The following COL19A1 variants were observed in gnomAD, a reference collection of about 807,000 sequenced individuals.
COL19A1 encodes the protein collagen type XIX alpha 1 chain, also known as collagen alpha-1(XIX) chain.
In COL19A1, 159 loss-of-function variants were observed where a neutral mutation model predicts 190.2. The ratio of observed to expected loss-of-function variants is 0.84; its 90% confidence interval spans 0.73 to 0.95. COL19A1 has a LOEUF of 0.95. COL19A1 is among the 40% of genes least tolerant of loss of function. The pLI is 0.00. For missense variants in COL19A1, 1,418 were observed against 1,431.9 expected, an observed-to-expected ratio of 0.99 and a Z score of 0.16; for synonymous variants, 509 against 458.9, an observed-to-expected ratio of 1.11 and a Z score of -1.39.
chr6:70,196,170 T>A (rs1583145995), intron 48 of COL19A1, among the ~76,000 whole-genome samples: 1 of 152,174 alleles, frequency 6.6e-6, no homozygotes, highest in East Asian at 1.9e-4. Context: ...ATTATTAAAA[T>A]ATCACAGGAA....
intron 10 of COL19A1, 56 bp from the exon 11 acceptor site, chr6:69,962,770 G>C: frequency 8.6e-7 from 1 of 1,163,466 alleles, no homozygotes; most frequent in Non-Finnish European, 1.2e-6. Flanking sequence ...TGTAAAAATT[G>C]CATGTGTTAT....
intron 12 of COL19A1, among the ~76,000 whole-genome samples, chr6:70,033,511 C>T (rs1416070719): frequency 6.6e-6 from 1 of 152,040 alleles, no homozygotes; most frequent in African/African-American, 2.4e-5. Flanking sequence ...ACTGTGAATT[C>T]ATGCAGCTGT....
At chr6:69,948,229 A>G (rs561767756) in intron 9 of COL19A1, among the ~76,000 whole-genome samples, 1 of 151,998 alleles carries the variant, frequency 6.6e-6, no homozygotes, top group African/African-American at 2.4e-5. Context: ...AGAATCACCG[A>G]AGCGCTTGAG....
chr6:69,965,868 G>C (rs1230688489), intron 11 of COL19A1, among the ~76,000 whole-genome samples: 6 of 152,132 alleles, frequency 3.9e-5, no homozygotes, highest in Non-Finnish European at 7.4e-5. Flanking sequence ...AGCTCATGAG[G>C]CAGGAGGGAT....
chr6:70,081,694 G>A (rs554066898), intron 15 of COL19A1, among the ~76,000 whole-genome samples: 1 of 152,300 alleles, frequency 6.6e-6, no homozygotes, highest in South Asian at 2.1e-4. Flanking sequence ...TTGAGATAAT[G>A]TGGAAAATGA....
chr6:70,152,645 C>T (rs1010109814), intron 31 of COL19A1, among the ~76,000 whole-genome samples: 2 of 152,144 alleles, frequency 1.3e-5, no homozygotes, highest in African/African-American at 2.4e-5. Context: ...CAGGCTGTTG[C>T]GCATTCCCAC....
chr6:70,071,562 ATTAT>A (rs3838678), intron 15 of COL19A1, among the ~76,000 whole-genome samples: 1 of 152,042 alleles, frequency 6.6e-6, no homozygotes, highest in East Asian at 1.9e-4. Context: ...TTTATATGCC[ATTAT>A]TTATTTATTT....
chr6:69,928,113 T>G, intron 5 of COL19A1, 81 bp downstream of exon 5: 1 of 1,553,194 alleles, frequency 6.4e-7, no homozygotes. Flanking sequence ...GTGCACAAAT[T>G]TGCGAGTAGA....
chr6:69,937,426 A>G (rs991196452), intron 8 of COL19A1, among the ~76,000 whole-genome samples: 2 of 152,124 alleles, frequency 1.3e-5, no homozygotes, highest in Non-Finnish European at 2.9e-5. Flanking sequence ...TTTCATCTGC[A>G]CCAATATGAT....
chr6:69,921,322 CAT>C (rs1190992926), intron 4 of COL19A1, among the ~76,000 whole-genome samples: 2 of 123,038 alleles, frequency 1.6e-5, no homozygotes, highest in African/African-American at 3.1e-5. Flanking sequence ...ATCATATAAT[CAT>C]ATATCATATA....
chr6:69,896,309 G>A (rs1459721516), intron 2 of COL19A1, among the ~76,000 whole-genome samples: 7 of 151,480 alleles, frequency 4.6e-5, no homozygotes, highest in Non-Finnish European at 1.0e-4. Context: ...AGGCCGAGGC[G>A]GGTGGATCAT....
intron 48 of COL19A1, among the ~76,000 whole-genome samples, chr6:70,191,813 T>C (rs1766891196): frequency 6.6e-6 from 1 of 152,166 alleles, no homozygotes; most frequent in South Asian, 2.1e-4. Flanking sequence ...TGTTGAATTT[T>C]TTTAAGGAAT....
chr6:70,034,400 A>G, intron 13 of COL19A1, 102 bp downstream of exon 13: 1 of 834,938 alleles, frequency 1.2e-6, no homozygotes, highest in Non-Finnish European at 2.0e-6. Context: ...AAAGCATTCT[A>G]AAATTAACCA....
intron 24 of COL19A1, among the ~76,000 whole-genome samples, chr6:70,144,642 A>G (rs1030537892): frequency 2.6e-5 from 4 of 152,220 alleles, no homozygotes; most frequent in African/African-American, 9.6e-5. Flanking sequence ...TCGTCTATAG[A>G]AATTTATTAA....
In COL19A1 at chr6:70,169,311, AT is replaced by A. The variant is rs570781657; in HGVS notation, c.2568+634del. Among the ~76,000 whole-genome samples, 149 of 152,110 alleles carry A rather than the reference AT, an allele frequency of 9.8e-4. 2 individuals are homozygous for A. Among genetic ancestry groups the A allele is most frequent in the African/African-American group, 3.5e-3 (145 of 41,492 alleles). ...AATTAGATGCCCTTTATTGCTGGGC[AT>A]TTTCTCCTGTCATGTCTTTTTCAAG... On this transcript the variant is annotated intron_variant, in intron 40 of 50. Coordinates refer to ENST00000620364, the MANE Select transcript of COL19A1 (RefSeq NM_001858.6).
chr6:70,190,282 C>G, intron 47 of COL19A1, 33 bp from the exon 48 acceptor site: 1 of 1,513,230 alleles, frequency 6.6e-7, no homozygotes, highest in South Asian at 1.2e-5. Flanking sequence ...GTGCTATGCT[C>G]TATTTTAACA....
chr6:70,034,360 T>C lies in COL19A1; in HGVS notation c.1134+62T>C, dbSNP rs1478737390. The C allele has an allele frequency of 5.7e-6, 7 of 1,232,338 alleles. No individual in the cohort carries two copies. In the Admixed American group the frequency reaches 1.0e-4, roughly 18 times the overall value. The allele number at this position is 1,232,338 out of a possible 1,614,324, so 76.3% of individuals were successfully genotyped here. On this transcript the variant is annotated intron_variant, in intron 13 of 50. Coordinates refer to ENST00000620364, the MANE Select transcript of COL19A1 (RefSeq NM_001858.6). ...AAGAAAACTCTGACAACCTATGCAG[T>C]GACTTCTCATTGATACTGTTTATCT...
At chr6:70,167,803 C>T (rs1407692259) in intron 37 of COL19A1, among the ~76,000 whole-genome samples, 1 of 152,212 alleles carries the variant, frequency 6.6e-6, no homozygotes, top group Non-Finnish European at 1.5e-5. Flanking sequence ...CCGTGTGCTT[C>T]AGGTGTAGCT....
chr6:69,981,052 G>T (rs1195488396), intron 11 of COL19A1, among the ~76,000 whole-genome samples: 1 of 152,102 alleles, frequency 6.6e-6, no homozygotes, highest in East Asian at 1.9e-4. Flanking sequence ...TTTTTAAGTG[G>T]TATAAGCTTT....
Sources: gnomAD v4.1 joint callset for allele counts (sites outside exome capture counted in the v4.1 genomes callset) on GRCh38, gnomAD v4.1.1 for gene constraint, MANE v1.5 for transcripts, NCBI Gene and HGNC (gene_info 2026-07-23, HGNC 2026-07-21) for gene names.